The following EYS variants were observed in gnomAD, a reference collection of about 807,000 sequenced individuals.
EYS encodes the protein EGF-like photoreceptor maintenance factor, also known as protein eyes shut homolog.
EYS carries 250 observed loss-of-function variants against 282.1 expected under a neutral mutation model. The observed-to-expected ratio is 0.89, with a 90% CI of 0.80 to 0.98. The LOEUF (loss-of-function observed/expected upper bound fraction) is 0.98, where lower values mean the gene tolerates loss of function less well. EYS is among the 50% of genes least tolerant of loss of function. EYS has a pLI of 0.00. For synonymous variants in EYS, 1,355 were observed against 1,282.9 expected, an observed-to-expected ratio of 1.06 and a Z score of -1.20; for missense variants, 4,016 against 3,709.0, an observed-to-expected ratio of 1.08 and a Z score of -2.15.
intron 41 of EYS, chr6:63,745,055 A>T (rs1228362902): frequency 2.4e-6 from 1 of 420,464 alleles, no homozygotes; most frequent in African/African-American, 2.1e-5. Flanking sequence ...ATGCCAAAAA[A>T]GGTGAAAAAA....
intron 35 of EYS, among the ~76,000 whole-genome samples, chr6:63,924,660 A>C (rs756345275): frequency 1.2e-4 from 18 of 152,204 alleles, no homozygotes; most frequent in Non-Finnish European, 2.4e-4. Context: ...ATAGGGGCTC[A>C]GATTCCTGAT....
rs1582431806 is a variant in EYS at position 64,210,644 on chromosome 6, T to C, written c.6424+19948A>G. Among the ~76,000 whole-genome samples, 3 of 152,250 alleles carry C rather than the reference T, an allele frequency of 2.0e-5. No homozygotes were observed. The Middle Eastern group carries it at 0.01, about 518-fold the overall frequency. ...CAAACCACAACAGAAACTTTAAAAA[T>C]AATGGCAATGATTAAATTCAAGATT... On this transcript the variant is annotated intron_variant, in intron 31 of 42. Coordinates refer to ENST00000503581, the MANE Select transcript of EYS (RefSeq NM_001142800.2).
At chr6:65,614,602 G>A (rs354381) in intron 2 of EYS, among the ~76,000 whole-genome samples, 116,892 of 151,990 alleles carry the variant, frequency 0.77, 45,037 homozygotes, top group Middle Eastern at 0.82. Flanking sequence ...AAATGCATAA[G>A]AATGAACTAG....
intron 29 of EYS, among the ~76,000 whole-genome samples, chr6:64,381,018 GAAAAA>G: frequency 1.4e-5 from 1 of 73,124 alleles, no homozygotes; most frequent in East Asian, 4.8e-4. Flanking sequence ...CTCCATCTCA[GAAAAA>G]AAAAAAAAAA....
At chr6:64,161,446 A>T (rs1330209830) in intron 31 of EYS, among the ~76,000 whole-genome samples, 2 of 152,184 alleles carry the variant, frequency 1.3e-5, no homozygotes, top group African/African-American at 4.8e-5. Context: ...ACAAAATACA[A>T]GTGGTATATC....
At chr6:64,052,850 T>C (rs1770857872) in intron 33 of EYS, among the ~76,000 whole-genome samples, 1 of 152,164 alleles carries the variant, frequency 6.6e-6, no homozygotes, top group Non-Finnish European at 1.5e-5. Context: ...AAGAGGTGCC[T>C]TCTGCCATGA....
chr6:63,997,364 A>G (rs576034433), intron 34 of EYS, among the ~76,000 whole-genome samples: 2 of 152,308 alleles, frequency 1.3e-5, no homozygotes, highest in African/African-American at 4.8e-5. Context: ...GTCTGAGAGA[A>G]TCTCACCACA....
intron 29 of EYS, among the ~76,000 whole-genome samples, chr6:64,374,244 G>A (rs1160492151): frequency 6.7e-6 from 1 of 150,318 alleles, no homozygotes; most frequent in Admixed American, 6.7e-5. Context: ...TAGGGCCTGG[G>A]GGTTGGAGCA....
chr6:65,459,772 A>T (rs1057112191), intron 5 of EYS, among the ~76,000 whole-genome samples: 1 of 151,018 alleles, frequency 6.6e-6, no homozygotes, highest in Non-Finnish European at 1.5e-5. Flanking sequence ...GCCCATAAAT[A>T]TTTAAAACCA....
At chr6:65,178,908 C>CA (rs1335936870) in intron 12 of EYS, among the ~76,000 whole-genome samples, 1 of 152,056 alleles carries the variant, frequency 6.6e-6, no homozygotes, top group Non-Finnish European at 1.5e-5. Flanking sequence ...TTAACAAACT[C>CA]ACTCAAAACC....
At position 63,894,494 on chromosome 6, in the gene EYS, G is replaced by A. The variant is rs376248018; in HGVS notation, c.7056-30136C>T. On this transcript the variant is annotated intron_variant, in intron 35 of 42. Transcript: ENST00000503581. Reference sequence around the variant, plus strand: ...GGATCCTACCCTGGAGCCTTCAGACGGAGGATGGCTCTGGCAACACCTTTT... The same window carrying A: ...GGATCCTACCCTGGAGCCTTCAGACAGAGGATGGCTCTGGCAACACCTTTT... 2.4e-4 allele frequency among the ~76,000 whole-genome samples: 36 copies of A among 152,242 alleles called. 1 individual carries two copies. Among genetic ancestry groups the A allele is most frequent in the East Asian group, 1.5e-3 (8 of 5,178 alleles).
chr6:64,741,292 T>C (rs1772363138), intron 22 of EYS, among the ~76,000 whole-genome samples: 1 of 152,188 alleles, frequency 6.6e-6, no homozygotes, highest in South Asian at 2.1e-4. Context: ...TAATTTTTTT[T>C]CTGCTCAGTA....
intron 28 of EYS, among the ~76,000 whole-genome samples, chr6:64,407,084 G>A (rs1264586679): frequency 1.3e-5 from 2 of 152,190 alleles, no homozygotes; most frequent in Admixed American, 1.3e-4. Flanking sequence ...TAAAGAAAAT[G>A]TGGCACATAT....
chr6:64,327,485 A>G (rs1283502297), intron 29 of EYS, among the ~76,000 whole-genome samples: 1 of 152,174 alleles, frequency 6.6e-6, no homozygotes, highest in Non-Finnish European at 1.5e-5. Flanking sequence ...AATGTAGGGT[A>G]GCTGGCTGAA....
At chr6:64,773,372 C>T (rs1773583468) in intron 22 of EYS, among the ~76,000 whole-genome samples, 1 of 151,762 alleles carries the variant, frequency 6.6e-6, no homozygotes, top group Admixed American at 6.6e-5. Flanking sequence ...TCAATTCAGT[C>T]TACCAGTGAT....
intron 35 of EYS, among the ~76,000 whole-genome samples, chr6:63,888,228 A>T (rs1773316203): frequency 6.6e-6 from 1 of 152,176 alleles, no homozygotes; most frequent in African/African-American, 2.4e-5. Context: ...AGACTTATAC[A>T]TTCCTGCCTG....
At chr6:64,227,468 T>C (rs1766285629) in intron 31 of EYS, among the ~76,000 whole-genome samples, 2 of 152,086 alleles carry the variant, frequency 1.3e-5, no homozygotes, top group East Asian at 3.8e-4. Flanking sequence ...TAATATAGCA[T>C]GGTGGTTAAA....
intron 31 of EYS, among the ~76,000 whole-genome samples, chr6:64,230,249 T>G (rs2150337765): frequency 6.6e-6 from 1 of 152,290 alleles, no homozygotes; most frequent in East Asian, 1.9e-4. Flanking sequence ...AATAAAATAG[T>G]ATTAATTAGA....
Position 63,721,276 on chromosome 6 carries a change from T to G in EYS, c.8755A>C (p.Asn2919His). The change falls in exon 43 of 43, where the codon AAT becomes CAT. Residue 2919 changes from asparagine (N) to histidine (H), a missense_variant. Asn to His is a moderately conservative substitution (Grantham distance 68). Coordinates refer to ENST00000503581, the MANE Select transcript of EYS (RefSeq NM_001142800.2). ...CATAAAGATTGGTGGAGGCAAAGAT[T>G]ATTCAAACAGGACACAGACTGGTTA... ...TCNQSVSCLN[N>H]LCLHQSLCIP... 2 of 1,551,976 alleles carry G rather than the reference T, an allele frequency of 1.3e-6. No homozygotes were observed. Among genetic ancestry groups the G allele is most frequent in the Non-Finnish European group, 1.7e-6 (2 of 1,146,994 alleles).
Sources: gnomAD v4.1 joint callset for allele counts (sites outside exome capture counted in the v4.1 genomes callset) on GRCh38, gnomAD v4.1.1 for gene constraint, MANE v1.5 for transcripts, NCBI Gene and HGNC (gene_info 2026-07-23, HGNC 2026-07-21) for gene names.